The following PCSK6 variants were observed in gnomAD, a reference collection of about 807,000 sequenced individuals.
PCSK6 encodes the protein proprotein convertase subtilisin/kexin type 6.
In PCSK6, 85 loss-of-function variants were observed where a neutral mutation model predicts 123.3. The ratio of observed to expected loss-of-function variants is 0.69; its 90% CI spans 0.58 to 0.83. PCSK6 has a LOEUF of 0.83. Ranked by LOEUF, PCSK6 falls within the 40% of genes least tolerant of loss-of-function variation. The pLI is 0.00. For synonymous variants in PCSK6, 508 were observed against 516.0 expected (o/e 0.98, Z 0.21); for missense variants, 1,191 against 1,282.3 (o/e 0.93, Z 1.09).
intron 2 of PCSK6, among the ~76,000 whole-genome samples, chr15:101,435,085 C>G (rs1161800369): frequency 6.6e-6 from 1 of 152,144 alleles, no homozygotes; most frequent in Admixed American, 6.5e-5. Flanking sequence ...AGTGCCTCCC[C>G]CTCCCATCCC....
At chr15:101,338,230 C>A (rs533139341) in intron 13 of PCSK6, among the ~76,000 whole-genome samples, 8 of 152,342 alleles carry the variant, frequency 5.3e-5, no homozygotes, top group African/African-American at 1.9e-4. Flanking sequence ...CCAAGCTTAA[C>A]TGAGGCAGGA....
chr15:101,310,467 G>A (rs2039830581), intron 20 of PCSK6, among the ~76,000 whole-genome samples: 1 of 152,234 alleles, frequency 6.6e-6, no homozygotes, highest in Non-Finnish European at 1.5e-5. Context: ...GATTATCACT[G>A]TTTAATTCCA....
chr15:101,406,774 A>T (rs2042793582), intron 6 of PCSK6, among the ~76,000 whole-genome samples: 1 of 151,654 alleles, frequency 6.6e-6, no homozygotes, highest in South Asian at 2.1e-4. Context: ...GTGTGTGGGG[A>T]CGCGCGGGGG....
intron 1 of PCSK6, among the ~76,000 whole-genome samples, chr15:101,481,530 C>A (rs900387271): frequency 6.6e-6 from 1 of 151,598 alleles, no homozygotes; most frequent in Non-Finnish European, 1.5e-5. Flanking sequence ...GGGCTCGAGG[C>A]GGTGGGGTGG....
intron 11 of PCSK6, among the ~76,000 whole-genome samples, chr15:101,375,030 G>A (rs1056871564): frequency 2.6e-5 from 4 of 151,790 alleles, no homozygotes; most frequent in African/African-American, 7.3e-5. Flanking sequence ...TCAGCTTACG[G>A]TAACCTCTGC....
At chr15:101,464,223 T>C (rs1213451233) in intron 1 of PCSK6, among the ~76,000 whole-genome samples, 1 of 152,022 alleles carries the variant, frequency 6.6e-6, no homozygotes, top group Non-Finnish European at 1.5e-5. Context: ...CTGCGCCACC[T>C]GGGCCCATAA....
intron 1 of PCSK6, among the ~76,000 whole-genome samples, chr15:101,454,948 A>AAATG (rs141326869): frequency 4.7e-5 from 7 of 147,696 alleles, no homozygotes; most frequent in South Asian, 2.2e-4. Context: ...CCATCTCAAA[A>AAATG]AATGAATGAA....
chr15:101,413,188 A>G (rs1321758702), intron 6 of PCSK6, among the ~76,000 whole-genome samples: 1 of 152,210 alleles, frequency 6.6e-6, no homozygotes, highest in Non-Finnish European at 1.5e-5. Flanking sequence ...CAAAAATTAC[A>G]ACACTGTCTG....
intron 1 of PCSK6, among the ~76,000 whole-genome samples, chr15:101,468,229 C>A (rs577109416): frequency 6.6e-6 from 1 of 152,214 alleles, no homozygotes; most frequent in African/African-American, 2.4e-5. Context: ...TAAATGAGAT[C>A]AAGCCCTCAG....
intron 18 of PCSK6, among the ~76,000 whole-genome samples, chr15:101,321,521 A>G (rs1336803719): frequency 6.6e-6 from 1 of 152,284 alleles, no homozygotes; most frequent in African/African-American, 2.4e-5. Context: ...AGATTAAATG[A>G]GGCAACACTG....
intron 13 of PCSK6, among the ~76,000 whole-genome samples, chr15:101,363,392 A>G (rs926352100): frequency 1.3e-5 from 2 of 152,216 alleles, no homozygotes; most frequent in African/African-American, 4.8e-5. Context: ...TCCTGCATAC[A>G]GCACCAGCCT....
chr15:101,432,544 G>A (rs911397516), intron 2 of PCSK6, among the ~76,000 whole-genome samples: 3 of 151,600 alleles, frequency 2.0e-5, no homozygotes, highest in Non-Finnish European at 4.4e-5. Flanking sequence ...TGAAAGGATT[G>A]CTTGAGCCTG....
In PCSK6 at chr15:101,432,052, C is replaced by T. The variant is rs1049826835; in HGVS notation, c.451G>A (p.Val151Met). The T allele has an allele frequency of 6.2e-7, 1 of 1,613,822 alleles. No individual in the cohort carries two copies. Among genetic ancestry groups the T allele is most frequent in the African/African-American group, 1.3e-5 (1 of 75,048 alleles). Residue 151 changes from valine to methionine, a missense_variant, in exon 3 of 22, where the codon GTG becomes ATG. By Grantham distance (21) the Val-to-Met change is conservative (BLOSUM62 1). Coordinates refer to ENST00000611716, the MANE Select transcript of PCSK6 (RefSeq NM_002570.5). ...TAAAGGGCCTGCGGGTCACTTCGCA[C>T]CTGTCTCTTCACCCTTCGTTTCACT... ...QEVKRRVKRQVRSDPQALYFN... is the reference protein window; with the variant it reads ...QEVKRRVKRQMRSDPQALYFN...
intron 6 of PCSK6, among the ~76,000 whole-genome samples, chr15:101,401,007 G>A (rs945798941): frequency 3.9e-5 from 6 of 152,216 alleles, no homozygotes; most frequent in African/African-American, 1.4e-4. Flanking sequence ...GGGAGGCCAG[G>A]TAGGATAGTT....
At chr15:101,378,499 G>T (rs1433909561) in intron 11 of PCSK6, among the ~76,000 whole-genome samples, 2 of 152,222 alleles carry the variant, frequency 1.3e-5, no homozygotes, top group Non-Finnish European at 2.9e-5. Context: ...CCTATGATGG[G>T]CCCTACCCCG....
chr15:101,394,138 T>TTG (rs1374041356), intron 7 of PCSK6, among the ~76,000 whole-genome samples: 12 of 30,056 alleles, frequency 4.0e-4, no homozygotes, highest in Admixed American at 2.5e-3. Flanking sequence ...CGTTTTTTTG[T>TTG]TTTTTGTTTT....
At chr15:101,368,790 G>A (rs774788978) in intron 12 of PCSK6, among the ~76,000 whole-genome samples, 3 of 152,206 alleles carry the variant, frequency 2.0e-5, no homozygotes, top group African/African-American at 4.8e-5. Flanking sequence ...CCCAGTGCAC[G>A]CAGGAACACG....
chr15:101,419,910 G>A (rs185434156), intron 6 of PCSK6, among the ~76,000 whole-genome samples: 4 of 152,072 alleles, frequency 2.6e-5, no homozygotes, highest in Non-Finnish European at 5.9e-5. Context: ...AGAAAGGCTG[G>A]TTGTAGTGGC....
At chr15:101,402,934 G>T (rs1418662244) in intron 6 of PCSK6, among the ~76,000 whole-genome samples, 1 of 152,100 alleles carries the variant, frequency 6.6e-6, no homozygotes, top group Non-Finnish European at 1.5e-5. Flanking sequence ...TATACCCAAA[G>T]GACTATAAAT....
Sources: gnomAD v4.1 joint callset for allele counts (sites outside exome capture counted in the v4.1 genomes callset) on GRCh38, gnomAD v4.1.1 for gene constraint, MANE v1.5 for transcripts, NCBI Gene and HGNC (gene_info 2026-07-23, HGNC 2026-07-21) for gene names.